The following LRRTM4 variants were observed in gnomAD, a reference collection of about 807,000 sequenced individuals.
The protein encoded by LRRTM4 is leucine rich repeat transmembrane neuronal 4, also known as leucine-rich repeat transmembrane neuronal protein 4.
A neutral mutation model predicts 47.6 loss-of-function variants in LRRTM4; 25 were observed. The ratio of observed to expected loss-of-function variants is 0.53; its 90% CI spans 0.38 to 0.73. LRRTM4 has a LOEUF of 0.73. LRRTM4 is among the 30% of genes least tolerant of loss of function. The probability of loss-of-function intolerance (pLI) is 0.00; values close to 1 mark genes in which losing one functional copy is unlikely to be tolerated. For synonymous variants in LRRTM4, 311 were observed against 269.5 expected (o/e 1.15, Z -1.51); for missense variants, 638 against 713.4 (o/e 0.89, Z 1.20).
chr2:77,168,954 A>G (rs914818201), intron 3 of LRRTM4, among the ~76,000 whole-genome samples: 1 of 152,182 alleles, frequency 6.6e-6, no homozygotes, highest in African/African-American at 2.4e-5. Context: ...GATATATCCT[A>G]TCAACATAAT....
chr2:76,916,242 G>A (rs1048326074), intron 3 of LRRTM4, among the ~76,000 whole-genome samples: 8 of 151,514 alleles, frequency 5.3e-5, no homozygotes, highest in Non-Finnish European at 4.4e-5. Flanking sequence ...AAAATTAGCC[G>A]GGCGTGTTGG....
rs183469387 is a variant in LRRTM4, at chr2:77,074,115, T to C, written c.1552-325199A>G. Among the ~76,000 whole-genome samples, 884 of 152,320 alleles carry C rather than the reference T, an allele frequency of 5.8e-3. 1 individual carries two copies. Among genetic ancestry groups the C allele is most frequent in the Non-Finnish European group, 9.4e-3 (642 of 68,020 alleles). ...TATGTTTTGTTTTCTTGAATGCAATTTTAAATGTCTTAATGGATATTTTAA... is the reference window on the plus strand; with the variant it reads ...TATGTTTTGTTTTCTTGAATGCAATCTTAAATGTCTTAATGGATATTTTAA... On this transcript the variant is annotated intron_variant, in intron 3 of 3. Coordinates refer to ENST00000409884, the MANE Select transcript of LRRTM4 (RefSeq NM_001134745.3).
intron 3 of LRRTM4, among the ~76,000 whole-genome samples, chr2:76,830,938 A>G (rs1324590157): frequency 6.6e-6 from 1 of 152,074 alleles, no homozygotes; most frequent in African/African-American, 2.4e-5. Flanking sequence ...GCTTCAAATT[A>G]TGGTCATTTT....
chr2:77,272,442 T>C (rs1020448247), intron 3 of LRRTM4, among the ~76,000 whole-genome samples: 3 of 152,208 alleles, frequency 2.0e-5, no homozygotes, highest in African/African-American at 7.2e-5. Flanking sequence ...CAATTCATCA[T>C]GCCTGAGAAG....
intron 3 of LRRTM4, among the ~76,000 whole-genome samples, chr2:77,465,432 T>G (rs757257252): frequency 1.7e-4 from 26 of 152,200 alleles, no homozygotes; most frequent in Non-Finnish European, 2.2e-4. Context: ...TCATTTTTCC[T>G]GTAGGGAGAA....
chr2:77,018,510 A>G (rs1678155281), intron 3 of LRRTM4, among the ~76,000 whole-genome samples: 1 of 152,064 alleles, frequency 6.6e-6, no homozygotes, highest in Non-Finnish European at 1.5e-5. Context: ...ATGGCTATTG[A>G]CTCAGACTTC....
At chr2:76,807,077 T>A (rs74893865) in intron 3 of LRRTM4, among the ~76,000 whole-genome samples, 6,763 of 152,106 alleles carry the variant, frequency 0.044, 460 homozygotes, top group African/African-American at 0.14. Flanking sequence ...AGGCTGCTTC[T>A]ACATTCATGG....
intron 3 of LRRTM4, among the ~76,000 whole-genome samples, chr2:76,971,046 T>G (rs1273051053): frequency 6.6e-6 from 1 of 151,882 alleles, no homozygotes; most frequent in Admixed American, 6.6e-5. Flanking sequence ...GTAGGTAATG[T>G]GATGGTCCAA....
intron 3 of LRRTM4, among the ~76,000 whole-genome samples, chr2:77,233,948 C>T (rs1216349277): frequency 6.6e-6 from 1 of 152,142 alleles, no homozygotes; most frequent in African/African-American, 2.4e-5. Context: ...CAGGCACCCA[C>T]CATCATGTCC....
chr2:77,516,941 C>CA, intron 3 of LRRTM4: 2 of 984,610 alleles, frequency 2.0e-6, no homozygotes, highest in South Asian at 9.4e-5. Context: ...TTATATTTTC[C>CA]AACTGTTAAC....
At chr2:76,916,081 A>G (rs1014270729) in intron 3 of LRRTM4, among the ~76,000 whole-genome samples, 1 of 152,184 alleles carries the variant, frequency 6.6e-6, no homozygotes, top group South Asian at 2.1e-4. Flanking sequence ...AGAAGAACAA[A>G]AAATGACACA....
At chr2:76,873,506 G>GTATATATATATATATATATATATA (rs58469429) in intron 3 of LRRTM4, among the ~76,000 whole-genome samples, 16 of 112,312 alleles carry the variant, frequency 1.4e-4, no homozygotes, top group African/African-American at 5.2e-4. Flanking sequence ...ATATATGTGT[G>GTATATATATATATATATATATATA]TATATATATA....
At chr2:76,799,985 C>T (rs1675571578) in intron 3 of LRRTM4, among the ~76,000 whole-genome samples, 2 of 151,692 alleles carry the variant, frequency 1.3e-5, no homozygotes, top group African/African-American at 2.4e-5. Flanking sequence ...ATTCCATGCT[C>T]GTGGGTAGGA....
chr2:77,049,574 G>A (rs1679358559), intron 3 of LRRTM4, among the ~76,000 whole-genome samples: 1 of 151,814 alleles, frequency 6.6e-6, no homozygotes, highest in East Asian at 1.9e-4. Flanking sequence ...GATACCTGTT[G>A]ACCGTTTGTT....
chr2:76,973,239 A>T (rs1005124803), intron 3 of LRRTM4, among the ~76,000 whole-genome samples: 1 of 152,048 alleles, frequency 6.6e-6, no homozygotes, highest in Non-Finnish European at 1.5e-5. Flanking sequence ...TCTATCTTGA[A>T]AGCAGTAATT....
chr2:76,906,686 G>C (rs1406822439), intron 3 of LRRTM4, among the ~76,000 whole-genome samples: 2 of 151,552 alleles, frequency 1.3e-5, no homozygotes, highest in Non-Finnish European at 2.9e-5. Context: ...AAAAAGGCAG[G>C]GGTTGCAATC....
chr2:77,480,376 A>T (rs1677627003), intron 3 of LRRTM4, among the ~76,000 whole-genome samples: 1 of 152,152 alleles, frequency 6.6e-6, no homozygotes, highest in African/African-American at 2.4e-5. Flanking sequence ...CTTTGTGCTA[A>T]TTTTTATTCT....
chr2:76,830,928 G>C (rs556731930), intron 3 of LRRTM4, among the ~76,000 whole-genome samples: 4 of 152,080 alleles, frequency 2.6e-5, no homozygotes, highest in South Asian at 2.1e-4. Context: ...ACAATGCCAT[G>C]CTTCAAATTA....
chr2:77,186,282 G>A (rs1673503802), intron 3 of LRRTM4, among the ~76,000 whole-genome samples: 2 of 152,110 alleles, frequency 1.3e-5, no homozygotes, highest in South Asian at 2.1e-4. Flanking sequence ...TGACCTCCAC[G>A]AAGCTCTCAG....
Sources: allele counts gnomAD v4.1 joint callset (sites outside exome capture counted in the v4.1 genomes callset), GRCh38; gene constraint gnomAD v4.1.1; transcripts MANE v1.5; gene names NCBI Gene and HGNC (gene_info 2026-07-23, HGNC 2026-07-21).